Variants in FOXP1 observed in about 807,000 individuals in gnomAD.
FOXP1 encodes the protein forkhead box P1.
Under a neutral mutation model 98.2 loss-of-function variants are expected in FOXP1, and 15 were observed. The ratio of observed to expected loss-of-function variants is 0.15; its 90% CI spans 0.10 to 0.24. The LOEUF is 0.24. FOXP1 is among the 10% of genes least tolerant of loss of function. The probability of loss-of-function intolerance (pLI) is 1.00; values close to 1 mark genes in which losing one functional copy is unlikely to be tolerated. For missense variants in FOXP1, 633 were observed against 848.5 expected, an observed-to-expected ratio of 0.75 and a Z score of 3.15; for synonymous variants, 371 against 314.5, an observed-to-expected ratio of 1.18 and a Z score of -1.90.
At chr3:71,286,823 T>C (rs1179004280) in intron 5 of FOXP1, among the ~76,000 whole-genome samples, 1 of 152,192 alleles carries the variant, frequency 6.6e-6, no homozygotes, top group Non-Finnish European at 1.5e-5. Context: ...CAAGCAATGA[T>C]TTTATGTGCC....
intron 18 of FOXP1, chr3:70,971,944 A>G: frequency 7.9e-7 from 1 of 1,258,564 alleles, no homozygotes; most frequent in South Asian, 2.2e-5. Flanking sequence ...ACTACATGGG[A>G]TGAGTCAACC....
At chr3:71,082,446 G>T (rs1208068438) in intron 7 of FOXP1, among the ~76,000 whole-genome samples, 1 of 150,810 alleles carries the variant, frequency 6.6e-6, no homozygotes, top group African/African-American at 2.4e-5. Context: ...TGGACACAGG[G>T]AGGGGAACAT....
At chr3:70,960,476 G>A (rs1169910638) in intron 20 of FOXP1, among the ~76,000 whole-genome samples, 10 of 152,330 alleles carry the variant, frequency 6.6e-5, no homozygotes, top group South Asian at 4.1e-4. Flanking sequence ...GAGAAATGTT[G>A]TTCGTAAATC....
chr3:71,536,571 CTCTT>C (rs2044309130), intron 2 of FOXP1, among the ~76,000 whole-genome samples: 1 of 132,090 alleles, frequency 7.6e-6, no homozygotes, highest in African/African-American at 3.3e-5. Context: ...TAAACCATGT[CTCTT>C]TTTTTTTTTT....
At chr3:71,036,260 G>A (rs2047566938) in intron 11 of FOXP1, among the ~76,000 whole-genome samples, 1 of 152,186 alleles carries the variant, frequency 6.6e-6, no homozygotes, top group African/African-American at 2.4e-5. Context: ...GTCAATAAAT[G>A]ATGAGAACGA....
chr3:71,231,593 C>G (rs2066292832), intron 5 of FOXP1, among the ~76,000 whole-genome samples: 1 of 152,150 alleles, frequency 6.6e-6, no homozygotes, highest in Non-Finnish European at 1.5e-5. Flanking sequence ...AATTTCCATG[C>G]ATTAGGCAAA....
In FOXP1 at chr3:71,451,817, C is replaced by A. The variant is rs184746185; in HGVS notation, c.-168+41609G>T. Among the ~76,000 whole-genome samples, 362 of 152,268 alleles carry A rather than the reference C, an allele frequency of 2.4e-3. 2 individuals carry two copies. The highest frequency in any genetic ancestry group is 0.014 in the Middle Eastern group (4 of 292). ...AACCAAAAAGGAAAGCAAACTGGGT[C>A]TCATTTGTGTAGGTGTTAAATTACT... On this transcript the variant is annotated intron_variant, in intron 3 of 20. Coordinates refer to ENST00000649528, the MANE Select transcript of FOXP1 (RefSeq NM_001349338.3).
intron 19 of FOXP1, among the ~76,000 whole-genome samples, chr3:70,966,870 T>G (rs927808203): frequency 2.6e-5 from 4 of 152,222 alleles, no homozygotes; most frequent in Non-Finnish European, 5.9e-5. Flanking sequence ...TATTATTCAC[T>G]TCCTGTTATA....
intron 3 of FOXP1, among the ~76,000 whole-genome samples, chr3:71,440,984 A>G (rs889198409): frequency 1.3e-5 from 2 of 152,240 alleles, no homozygotes; most frequent in Admixed American, 6.5e-5. Flanking sequence ...GAAAGCATGC[A>G]CCAGGTATAT....
At chr3:71,473,474 T>C (rs1333549817) in intron 3 of FOXP1, among the ~76,000 whole-genome samples, 7 of 152,126 alleles carry the variant, frequency 4.6e-5, no homozygotes, top group African/African-American at 1.4e-4. Flanking sequence ...CCTCTAAGCA[T>C]TGTCAAAATA....
chr3:71,524,521 G>C (rs1244306661), intron 2 of FOXP1, among the ~76,000 whole-genome samples: 2 of 134,622 alleles, frequency 1.5e-5, no homozygotes, highest in African/African-American at 2.9e-5. Flanking sequence ...TAACTTGCTA[G>C]CAAATGCAAA....
intron 5 of FOXP1, among the ~76,000 whole-genome samples, chr3:71,200,754 A>G (rs1391587671): frequency 6.6e-6 from 1 of 152,232 alleles, no homozygotes; most frequent in African/African-American, 2.4e-5. Context: ...TGCCCCATAC[A>G]TGAAATGTGA....
Position 71,077,929 on chromosome 3 carries a change from T to A in FOXP1, c.283-24156A>T, listed in dbSNP as rs139191376. Among the ~76,000 whole-genome samples, 1,113 of 151,466 alleles carry A rather than the reference T, an allele frequency of 7.3e-3. 17 individuals are homozygous for A. The highest frequency in any genetic ancestry group is 0.026 in the African/African-American group (1,065 of 41,264). ...CTCACCGCAACCTCCACCTCCCGGGTTCAAGCAATTCTCCTGTTTCAGCCT... is the reference window on the plus strand; with the variant it reads ...CTCACCGCAACCTCCACCTCCCGGGATCAAGCAATTCTCCTGTTTCAGCCT... On this transcript the variant is annotated intron_variant, in intron 7 of 20. Coordinates refer to ENST00000649528, the MANE Select transcript of FOXP1 (RefSeq NM_001349338.3).
intron 5 of FOXP1, among the ~76,000 whole-genome samples, chr3:71,224,693 A>G (rs6805462): frequency 0.86 from 130,623 of 152,216 alleles, 56,102 homozygotes; most frequent in East Asian, 0.95. Context: ...TTGAATAAAC[A>G]AATCAATGAC....
At chr3:71,432,717 C>A (rs770572747) in intron 3 of FOXP1, among the ~76,000 whole-genome samples, 2 of 151,974 alleles carry the variant, frequency 1.3e-5, no homozygotes, top group Non-Finnish European at 2.9e-5. Flanking sequence ...CACCCTATCC[C>A]CCCCATCCAA....
intron 9 of FOXP1, among the ~76,000 whole-genome samples, chr3:71,050,474 T>C (rs2049726334): frequency 6.6e-6 from 1 of 152,198 alleles, no homozygotes; most frequent in Non-Finnish European, 1.5e-5. Flanking sequence ...TTTAAAAAAC[T>C]AAATTTTGAT....
chr3:71,038,220 A>T (rs1559784358), intron 11 of FOXP1, among the ~76,000 whole-genome samples: 1 of 152,064 alleles, frequency 6.6e-6, no homozygotes, highest in Non-Finnish European at 1.5e-5. Context: ...AACAACAGTA[A>T]CTCTCACAAC....
intron 5 of FOXP1, among the ~76,000 whole-genome samples, chr3:71,210,508 G>T (rs570187620): frequency 5.3e-5 from 8 of 152,194 alleles, no homozygotes; most frequent in Non-Finnish European, 8.8e-5. Flanking sequence ...TGGACATGCA[G>T]GGAAGAGACA....
intron 3 of FOXP1, among the ~76,000 whole-genome samples, chr3:71,439,614 T>C (rs1263017209): frequency 5.9e-5 from 9 of 152,048 alleles, no homozygotes; most frequent in Non-Finnish European, 1.0e-4. Flanking sequence ...ATAAACAAAA[T>C]GTACACACAT....
Sources: allele counts gnomAD v4.1 joint callset (sites outside exome capture counted in the v4.1 genomes callset), GRCh38; gene constraint gnomAD v4.1.1; transcripts MANE v1.5; gene names NCBI Gene and HGNC (gene_info 2026-07-23, HGNC 2026-07-21).